Variants in VKORC1L1 observed in about 807,000 individuals in gnomAD.
The protein encoded by VKORC1L1 is vitamin K epoxide reductase complex subunit 1L1.
Under a neutral mutation model 18.9 loss-of-function variants are expected in VKORC1L1, and 2 were observed. The observed-to-expected ratio is 0.11, with a 90% CI of 0.04 to 0.33. VKORC1L1 has a LOEUF of 0.33. Ranked by LOEUF, VKORC1L1 falls within the 10% of genes least tolerant of loss-of-function variation. VKORC1L1 has a pLI of 1.00. For synonymous variants in VKORC1L1, 96 were observed against 100.0 expected, an observed-to-expected ratio of 0.96 and a Z score of 0.24; for missense variants, 123 against 224.1, an observed-to-expected ratio of 0.55 and a Z score of 2.88.
At chr7:65,917,153 G>GTTT in intron 1 of VKORC1L1, among the ~76,000 whole-genome samples, 1 of 151,832 alleles carries the variant, frequency 6.6e-6, no homozygotes, top group Non-Finnish European at 1.5e-5. Context: ...AAGTGTCCTG[G>GTTT]TTACTTTCTC....
In VKORC1L1 at chr7:65,929,663, T is replaced by C. The variant is rs1269775199; in HGVS notation, c.195-19008T>C. Among the ~76,000 whole-genome samples the C allele has an allele frequency of 3.3e-5, 3 of 90,316 alleles. No homozygotes were observed. The East Asian group carries it at 1.0e-3, about 30-fold the overall frequency. 59.3% of individuals were successfully genotyped at this position (90,316 alleles called of 152,430 possible). ...TGATATATATATATATGTATGTGTG[T>C]GTGTGTATGTGTGTGTGTGTATATA... On this transcript the variant is annotated intron_variant, in intron 1 of 2. Transcript: ENST00000360768.
chr7:65,913,480 C>G (rs1789535618), intron 1 of VKORC1L1, among the ~76,000 whole-genome samples: 1 of 151,918 alleles, frequency 6.6e-6, no homozygotes, highest in South Asian at 2.1e-4. Flanking sequence ...GTAATCCATA[C>G]TTTGGGAGGT....
Position 65,923,700 on chromosome 7 carries a change from G to A in VKORC1L1, c.195-24971G>A, listed in dbSNP as rs531915429. Among the ~76,000 whole-genome samples, 6 of 152,326 alleles carry A rather than the reference G, an allele frequency of 3.9e-5. No homozygotes were observed. In the East Asian group the frequency reaches 1.2e-3, roughly 29 times the overall value. On this transcript the variant is annotated intron_variant, in intron 1 of 2. Transcript: ENST00000360768. ...CAAATTAAGAGTGTGAGACCAAAAA[G>A]TGTTTCCAGCTGAATGGGCTGCAAG...
At position 65,873,347 on chromosome 7, in the gene VKORC1L1, A is replaced by G; in HGVS notation, c.-25A>G. 2.8e-6 allele frequency: 4 copies of G among 1,451,390 alleles called. No homozygotes were observed. The highest frequency in any genetic ancestry group is 1.6e-5 in the African/African-American group (1 of 63,460). 89.9% of individuals were successfully genotyped at this position (1,451,390 alleles called of 1,614,324 possible). ...CGGCGGCTGAGGTGGAGGCGGAGGG[A>G]GGCGGCGGCGGCGGCGGCGGGAAGA... On this transcript the variant is annotated 5_prime_UTR_variant, in exon 1 of 3. Coordinates refer to ENST00000360768, the MANE Select transcript of VKORC1L1 (RefSeq NM_173517.6).
intron 1 of VKORC1L1, among the ~76,000 whole-genome samples, chr7:65,877,228 GT>G (rs1788844887): frequency 6.6e-6 from 1 of 151,850 alleles, no homozygotes; most frequent in African/African-American, 2.4e-5. Flanking sequence ...GTACATACTT[GT>G]TTATATGTTT....
chr7:65,948,881 G>A, intron 2 of VKORC1L1, 101 bp downstream of exon 2: 1 of 1,435,070 alleles, frequency 7.0e-7, no homozygotes, highest in Non-Finnish European at 9.5e-7. Context: ...GTTATTTATA[G>A]AACCACTAGC....
intron 1 of VKORC1L1, among the ~76,000 whole-genome samples, chr7:65,886,994 C>T (rs998991278): frequency 2.6e-5 from 4 of 151,454 alleles, no homozygotes; most frequent in South Asian, 2.1e-4. Flanking sequence ...GGATTACAGG[C>T]GCACGCCACC....
At chr7:65,888,516 A>T (rs1304154679) in intron 1 of VKORC1L1, among the ~76,000 whole-genome samples, 1 of 152,152 alleles carries the variant, frequency 6.6e-6, no homozygotes, top group African/African-American at 2.4e-5. Context: ...GCTCGAGGTC[A>T]TGTAACCAGA....
intron 1 of VKORC1L1, among the ~76,000 whole-genome samples, chr7:65,921,824 G>T (rs1425181686): frequency 1.3e-5 from 2 of 151,710 alleles, no homozygotes; most frequent in African/African-American, 4.8e-5. Context: ...CTCCAGCCTG[G>T]GCGACAGAGC....
At chr7:65,945,544 G>A (rs1226590866) in intron 1 of VKORC1L1, among the ~76,000 whole-genome samples, 1 of 151,850 alleles carries the variant, frequency 6.6e-6, no homozygotes, top group Admixed American at 6.6e-5. Flanking sequence ...CCTGGGAGGC[G>A]GAACTTGCAG....
intron 1 of VKORC1L1, among the ~76,000 whole-genome samples, chr7:65,924,662 T>C (rs549772116): frequency 6.6e-6 from 1 of 152,220 alleles, no homozygotes; most frequent in East Asian, 1.9e-4. Context: ...TATTCCTCAC[T>C]GGAACCACTG....
intron 1 of VKORC1L1, among the ~76,000 whole-genome samples, chr7:65,909,293 T>A (rs1789460534): frequency 6.6e-6 from 1 of 151,668 alleles, no homozygotes; most frequent in South Asian, 2.1e-4. Context: ...CAGCATCACT[T>A]TCAAGTGACA....
chr7:65,935,688 G>A (rs1236059714), intron 1 of VKORC1L1, among the ~76,000 whole-genome samples: 2 of 152,104 alleles, frequency 1.3e-5, no homozygotes, highest in Non-Finnish European at 2.9e-5. Flanking sequence ...TTCTCTGGAT[G>A]CTTTCAAGGG....
At chr7:65,883,360 A>G (rs988390756) in intron 1 of VKORC1L1, among the ~76,000 whole-genome samples, 3 of 152,016 alleles carry the variant, frequency 2.0e-5, no homozygotes, top group African/African-American at 7.2e-5. Context: ...CATGTTGGTC[A>G]GGCTCGTCTC....
At chr7:65,898,038 T>C (rs1479148911) in intron 1 of VKORC1L1, among the ~76,000 whole-genome samples, 3 of 146,276 alleles carry the variant, frequency 2.1e-5, no homozygotes, top group African/African-American at 5.0e-5. Flanking sequence ...AGGGAACTGG[T>C]AAAATAATTG....
intron 1 of VKORC1L1, among the ~76,000 whole-genome samples, chr7:65,889,009 G>A (rs572364623): frequency 3.3e-5 from 5 of 151,602 alleles, no homozygotes; most frequent in Non-Finnish European, 7.4e-5. Context: ...TGCAGGGAGT[G>A]ACTTCTTACT....
intron 1 of VKORC1L1, among the ~76,000 whole-genome samples, chr7:65,930,639 T>C (rs1789842513): frequency 6.6e-6 from 1 of 152,210 alleles, no homozygotes; most frequent in Non-Finnish European, 1.5e-5. Context: ...CAGTCTCACT[T>C]GGGATTTTCT....
At chr7:65,923,955 C>T (rs1399924847) in intron 1 of VKORC1L1, among the ~76,000 whole-genome samples, 2 of 152,066 alleles carry the variant, frequency 1.3e-5, no homozygotes, top group East Asian at 1.9e-4. Flanking sequence ...AGGGATGCTT[C>T]GAAGCTAATG....
intron 1 of VKORC1L1, among the ~76,000 whole-genome samples, chr7:65,903,775 A>G (rs1350899831): frequency 3.2e-3 from 3 of 942 alleles, no homozygotes; most frequent in Non-Finnish European, 6.7e-3. Context: ...CCGTGTCTCA[A>G]AAAAAAAAAA....
Sources: allele counts gnomAD v4.1 joint callset (sites outside exome capture counted in the v4.1 genomes callset), GRCh38; gene constraint gnomAD v4.1.1; transcripts MANE v1.5; gene names NCBI Gene and HGNC (gene_info 2026-07-23, HGNC 2026-07-21).